Variants in ZFHX4 observed in about 807,000 individuals in gnomAD.
ZFHX4 encodes the protein zinc finger homeobox 4, also known as zinc finger homeobox protein 4.
ZFHX4 carries 56 observed loss-of-function variants against 267.6 expected under a neutral mutation model. The observed-to-expected ratio is 0.21, with a 90% CI of 0.17 to 0.26. The LOEUF (loss-of-function observed/expected upper bound fraction) is 0.26. Ranked by LOEUF, ZFHX4 falls within the 10% of genes least tolerant of loss-of-function variation. The probability of loss-of-function intolerance (pLI) is 1.00; values close to 1 mark genes in which losing one functional copy is unlikely to be tolerated. For synonymous variants in ZFHX4, 1,778 were observed against 1,665.6 expected (o/e 1.07, Z -1.64); for missense variants, 4,332 against 4,420.0 (o/e 0.98, Z 0.56).
chr8:76,739,026 A>T (rs1409878123), intron 3 of ZFHX4, among the ~76,000 whole-genome samples: 1 of 151,980 alleles, frequency 6.6e-6, no homozygotes, highest in Non-Finnish European at 1.5e-5. Flanking sequence ...GCTTTTTTTC[A>T]TAACTAAATT....
In ZFHX4 at chr8:76,768,583, T is replaced by C. The variant is rs112413117; in HGVS notation, c.3094-9625T>C. ...AGAAATAAATCTGAGGGGGCACCCATGTGTCTGTCTTGTATCATCAACAGT... is the reference window on the plus strand; with the variant it reads ...AGAAATAAATCTGAGGGGGCACCCACGTGTCTGTCTTGTATCATCAACAGT... On this transcript the variant is annotated intron_variant, in intron 3 of 10. Coordinates refer to ENST00000651372, the MANE Select transcript of ZFHX4 (RefSeq NM_024721.5). 6.5e-3 allele frequency among the ~76,000 whole-genome samples: 989 copies of C among 152,256 alleles called. 14 individuals carry two copies. Among genetic ancestry groups the C allele is most frequent in the African/African-American group, 0.022 (908 of 41,552 alleles).
At chr8:76,684,580 G>A (rs1275908451) in intron 1 of ZFHX4, among the ~76,000 whole-genome samples, 1 of 152,196 alleles carries the variant, frequency 6.6e-6, no homozygotes, top group African/African-American at 2.4e-5. Context: ...TCATAAATCT[G>A]AAAAGTGAAA....
intron 3 of ZFHX4, among the ~76,000 whole-genome samples, chr8:76,715,519 A>G (rs1262238197): frequency 6.7e-6 from 1 of 149,630 alleles, no homozygotes; most frequent in Non-Finnish European, 1.5e-5. Flanking sequence ...GAAATGCAAA[A>G]TGTGTCTAAT....
At chr8:76,737,678 C>T (rs1809202013) in intron 3 of ZFHX4, among the ~76,000 whole-genome samples, 1 of 152,158 alleles carries the variant, frequency 6.6e-6, no homozygotes, top group Non-Finnish European at 1.5e-5. Flanking sequence ...ATAATGTTAT[C>T]TGCTTTGCAT....
At chr8:76,715,824 G>A (rs112030663) in intron 3 of ZFHX4, among the ~76,000 whole-genome samples, 10 of 152,200 alleles carry the variant, frequency 6.6e-5, no homozygotes, top group African/African-American at 2.4e-4. Context: ...TAAAGTGTAT[G>A]GAGATCATAT....
chr8:76,704,739 A>G lies in ZFHX4; in HGVS notation c.651A>G (p.Leu217=). The part of the protein sequence containing the change: ...ADQAFPNTSA[L]AGVGPVLHSF... Reference sequence around the variant, plus strand: ...AGGCTTTCCCAAATACCTCAGCATTAGCAGGAGTTGGTCCTGTGTTGCACA... The same window carrying G: ...AGGCTTTCCCAAATACCTCAGCATTGGCAGGAGTTGGTCCTGTGTTGCACA... Residue 217 remains leucine, a synonymous_variant, in exon 2 of 11, where the codon TTA becomes TTG. Coordinates refer to ENST00000651372, the MANE Select transcript of ZFHX4 (RefSeq NM_024721.5). The G allele has an allele frequency of 6.2e-7, 1 of 1,614,008 alleles. No homozygotes were observed. Among genetic ancestry groups the G allele is most frequent in the East Asian group, 2.2e-5 (1 of 44,870 alleles).
At chr8:76,708,768 T>C (rs1808346617) in intron 3 of ZFHX4, among the ~76,000 whole-genome samples, 1 of 152,210 alleles carries the variant, frequency 6.6e-6, no homozygotes, top group African/African-American at 2.4e-5. Flanking sequence ...ATTACAGAAC[T>C]TGTCTTGACT....
At chr8:76,724,896 C>T (rs1808812895) in intron 3 of ZFHX4, among the ~76,000 whole-genome samples, 1 of 152,004 alleles carries the variant, frequency 6.6e-6, no homozygotes, top group Non-Finnish European at 1.5e-5. Flanking sequence ...CATTTCCTTG[C>T]TATTCTAGGA....
chr8:76,774,196 G>A (rs960670579), intron 3 of ZFHX4, among the ~76,000 whole-genome samples: 1 of 152,088 alleles, frequency 6.6e-6, no homozygotes, highest in Non-Finnish European at 1.5e-5. Context: ...TGTCTGAAGT[G>A]GCATTTATTT....
At chr8:76,746,262 C>A (rs577161696) in intron 3 of ZFHX4, among the ~76,000 whole-genome samples, 14 of 152,144 alleles carry the variant, frequency 9.2e-5, no homozygotes, top group Non-Finnish European at 1.6e-4. Flanking sequence ...AAAAAATTAG[C>A]TGGGTATGGT....
chr8:76,734,819 A>G (rs1809115223), intron 3 of ZFHX4, among the ~76,000 whole-genome samples: 1 of 152,176 alleles, frequency 6.6e-6, no homozygotes, highest in Non-Finnish European at 1.5e-5. Flanking sequence ...ATATTCAAGA[A>G]CACAGACATA....
intron 4 of ZFHX4, chr8:76,782,198 C>G (rs779854547): frequency 1.8e-5 from 8 of 436,196 alleles, no homozygotes; most frequent in Non-Finnish European, 3.6e-5. Context: ...CAGAGCCCAA[C>G]AGGCTCATCA....
intron 4 of ZFHX4, among the ~76,000 whole-genome samples, chr8:76,820,966 C>A (rs752202355): frequency 6.6e-6 from 1 of 152,022 alleles, no homozygotes; most frequent in African/African-American, 2.4e-5. Context: ...TTGTATTGTT[C>A]GCATCCATTT....
chr8:76,696,774 G>A lies in ZFHX4; in HGVS notation c.-46-7269G>A, dbSNP rs140190606. 2.6e-5 allele frequency among the ~76,000 whole-genome samples: 4 copies of A among 151,840 alleles called. No individual in the cohort carries two copies. In the East Asian group the frequency reaches 7.7e-4, roughly 29 times the overall value. ...GAAGAAAACTTGTCATTCTACTTAT[G>A]TTCTCTATTATGCTAGTCCTAATGT... is the stretch of plus-strand genomic sequence containing the variant. On this transcript the variant is annotated intron_variant, in intron 1 of 10. Transcript: ENST00000651372.
chr8:76,689,751 C>T (rs1807778890), intron 1 of ZFHX4, among the ~76,000 whole-genome samples: 1 of 151,966 alleles, frequency 6.6e-6, no homozygotes. Flanking sequence ...CTCTAGTCTC[C>T]CTTTCTTTTA....
intron 3 of ZFHX4, among the ~76,000 whole-genome samples, chr8:76,724,952 A>G (rs565006274): frequency 2.0e-5 from 3 of 151,984 alleles, no homozygotes; most frequent in East Asian, 3.9e-4. Flanking sequence ...TCATAGCAGC[A>G]TATATTTTCT....
chr8:76,845,364 G>A (rs890827411), intron 6 of ZFHX4, among the ~76,000 whole-genome samples: 1 of 151,934 alleles, frequency 6.6e-6, no homozygotes, highest in African/African-American at 2.4e-5. Flanking sequence ...TAATACATTT[G>A]CATTGAAAAT....
intron 5 of ZFHX4, among the ~76,000 whole-genome samples, chr8:76,836,485 C>A (rs921272987): frequency 6.6e-6 from 1 of 151,942 alleles, no homozygotes; most frequent in Non-Finnish European, 1.5e-5. Flanking sequence ...ACAAGTGAGC[C>A]GAGTCCTGGT....
intron 3 of ZFHX4, among the ~76,000 whole-genome samples, chr8:76,736,218 TAA>T (rs1159238181): frequency 6.6e-6 from 1 of 151,992 alleles, no homozygotes; most frequent in Admixed American, 6.6e-5. Context: ...ATGGTTAATA[TAA>T]AAGTGTAGTC....
Sources: gnomAD v4.1 joint callset for allele counts (sites outside exome capture counted in the v4.1 genomes callset) on GRCh38, gnomAD v4.1.1 for gene constraint, MANE v1.5 for transcripts, NCBI Gene and HGNC (gene_info 2026-07-23, HGNC 2026-07-21) for gene names.